The following POC5 variants were observed in gnomAD, a reference collection of about 807,000 sequenced individuals.
The protein encoded by POC5 is POC5 centriolar protein.
A neutral mutation model predicts 62.9 loss-of-function variants in POC5; 48 were observed. The ratio of observed to expected loss-of-function variants is 0.76; its 90% confidence interval spans 0.61 to 0.97. The LOEUF is 0.97. POC5 is among the 50% of genes least tolerant of loss of function. The probability of loss-of-function intolerance (pLI) is 0.00; values close to 1 mark genes in which losing one functional copy is unlikely to be tolerated. For missense variants in POC5, 696 were observed against 679.5 expected (o/e 1.02, Z -0.27); for synonymous variants, 236 against 228.2 (o/e 1.03, Z -0.31).
rs1334603449 is a variant in POC5, at chr5:75,702,651, A to C, written c.467T>G (p.Leu156Arg). ...VSDFLVSDEN[L>R]QKMENVLDLW... ...ATCAAGCACATTTTCCATCTTCTGA[A>C]GGTTTTCATCAGAAACAAGAAAATC... Residue 156 changes from leucine (L) to arginine (R), a missense_variant, in exon 5 of 12, where the codon CTT becomes CGT. Coordinates refer to ENST00000428202, the MANE Select transcript of POC5 (RefSeq NM_001099271.2). 2 of 1,613,280 alleles carry C rather than the reference A, an allele frequency of 1.2e-6. No individual in the cohort carries two copies. Among genetic ancestry groups the C allele is most frequent in the Non-Finnish European group, 8.5e-7 (1 of 1,179,632 alleles).
intron 10 of POC5, among the ~76,000 whole-genome samples, chr5:75,682,320 G>A (rs777665043): frequency 6.6e-6 from 1 of 152,152 alleles, no homozygotes; most frequent in Non-Finnish European, 1.5e-5. Flanking sequence ...TTACATTTTA[G>A]GAAGAGAATT....
At chr5:75,705,215 A>G (rs546293332) in intron 4 of POC5, 2 of 152,070 alleles carry the variant, frequency 1.3e-5, no homozygotes, top group Admixed American at 6.6e-5. Flanking sequence ...AAAATTAAAA[A>G]AATACAAAAA....
intron 3 of POC5, 198 bp downstream of exon 3, chr5:75,707,539 T>C (rs1185918025): frequency 4.4e-6 from 2 of 455,108 alleles, no homozygotes; most frequent in East Asian, 6.5e-5. Context: ...CAAATGAAGT[T>C]CAAAGAAAAA....
In POC5 at chr5:75,702,646, T is replaced by C; in HGVS notation, c.472A>G (p.Lys158Glu). The C allele has an allele frequency of 6.2e-7, 1 of 1,613,340 alleles. No homozygotes were observed. Among genetic ancestry groups the C allele is most frequent in the Non-Finnish European group, 8.5e-7 (1 of 1,179,674 alleles). The change falls in exon 5 of 12, where the codon AAG becomes GAG. Residue 158 changes from lysine to glutamate, a missense_variant. Physicochemically the swap from Lys to Glu is moderately conservative, Grantham distance 56. Transcript: ENST00000428202. ...DFLVSDENLQKMENVLDLWSS... is the reference protein window; with the variant it reads ...DFLVSDENLQEMENVLDLWSS... ...CAAAGATCAAGCACATTTTCCATCT[T>C]CTGAAGGTTTTCATCAGAAACAAGA...
At position 75,694,803 on chromosome 5, in the gene POC5, C is replaced by G. The variant is rs1370213799; in HGVS notation, c.542G>C (p.Trp181Ser). Reference sequence around the variant, plus strand: ...GTGCCAGTCAATAAAATTAAGTCTCCATTTACTTAGTTCAGATATGATGTT... The same window carrying G: ...GTGCCAGTCAATAAAATTAAGTCTCGATTTACTTAGTTCAGATATGATGTT... ...KTNIISELSK[W>S]RLNFIDWHRM... Residue 181 changes from tryptophan (W) to serine (S), a missense_variant, in exon 6 of 12, where the codon TGG (tryptophan) becomes TCG (serine). Physicochemically the swap from Trp to Ser is radical, Grantham distance 177. Coordinates refer to ENST00000428202, the MANE Select transcript of POC5 (RefSeq NM_001099271.2). The G allele has an allele frequency of 6.4e-7, 1 of 1,560,908 alleles. No homozygotes were observed. The highest frequency in any genetic ancestry group is 8.8e-7 in the Non-Finnish European group (1 of 1,140,002).
intron 2 of POC5, chr5:75,712,400 C>A (rs200068418): frequency 1.2e-6 from 2 of 1,612,092 alleles, no homozygotes; most frequent in Admixed American, 1.7e-5. Context: ...CTGTCAATGT[C>A]CAGGTCCTGG....
chr5:75,703,353 C>T (rs1353475617), intron 4 of POC5, among the ~76,000 whole-genome samples: 1 of 152,036 alleles, frequency 6.6e-6, no homozygotes, highest in South Asian at 2.1e-4. Flanking sequence ...TTCGGCCGGG[C>T]GCGGTGGCTC....
chr5:75,708,375 G>A (rs1166462843), intron 2 of POC5, among the ~76,000 whole-genome samples: 4 of 152,060 alleles, frequency 2.6e-5, no homozygotes, highest in African/African-American at 9.7e-5. Context: ...GTATGAAGAG[G>A]TGATAAGGTT....
intron 8 of POC5, among the ~76,000 whole-genome samples, chr5:75,690,010 C>T (rs1244568521): frequency 1.3e-5 from 2 of 152,088 alleles, no homozygotes; most frequent in Admixed American, 6.5e-5. Flanking sequence ...CTCAGCCTCC[C>T]GAGTAGCGGG....
chr5:75,705,983 T>C (rs1011222050), intron 3 of POC5, among the ~76,000 whole-genome samples, 196 bp from the exon 4 acceptor site: 1 of 152,228 alleles, frequency 6.6e-6, no homozygotes, highest in Non-Finnish European at 1.5e-5. Context: ...TACTATATCA[T>C]TGATAAGCTC....
At position 75,702,601 on chromosome 5, in the gene POC5, G is replaced by A. The variant is rs17649248; in HGVS notation, c.513+4C>T. 0.2 allele frequency: 318,047 copies of A among 1,608,560 alleles called. 32,431 individuals are homozygous for A. Among genetic ancestry groups the A allele is most frequent in the South Asian group, 0.21 (19,326 of 90,468 alleles). On this transcript the variant is annotated splice_donor_region_variant and intron_variant, in intron 5 of 11. Transcript: ENST00000428202. Reference sequence around the variant, plus strand: ...ACTGTAATTGAAGAACTGCTGTACCGTACCTTAAGACCTGAACTCCAAAGA... The same window carrying A: ...ACTGTAATTGAAGAACTGCTGTACCATACCTTAAGACCTGAACTCCAAAGA...
chr5:75,674,468 G>C lies in POC5; in HGVS notation c.1695C>G (p.Leu565=). ...LGTRSAHTQS[L]TSVHSIKVVD ...CCACTTTTATGGAATGAACACTTGT[G>C]AGAGACTGGGTGTGAGCTGATCTGG... The change falls in exon 12 of 12, where the codon CTC becomes CTG. Residue 565 remains leucine (L), a synonymous_variant. Transcript: ENST00000428202. 2 of 1,614,014 alleles carry C rather than the reference G, an allele frequency of 1.2e-6. No homozygotes were observed. The highest frequency in any genetic ancestry group is 1.1e-5 in the South Asian group (1 of 91,088).
At chr5:75,680,976 G>A (rs529513469) in intron 10 of POC5, among the ~76,000 whole-genome samples, 25 of 152,202 alleles carry the variant, frequency 1.6e-4, no homozygotes, top group Non-Finnish European at 2.5e-4. Flanking sequence ...TACCAATCAT[G>A]TTGGAGTTCA....
At chr5:75,713,333 G>A (rs968764602) in intron 1 of POC5, among the ~76,000 whole-genome samples, 1 of 152,098 alleles carries the variant, frequency 6.6e-6, no homozygotes, top group African/African-American at 2.4e-5. Flanking sequence ...ACTTACCTTT[G>A]GAAATATTAT....
intron 11 of POC5, among the ~76,000 whole-genome samples, chr5:75,675,474 AAAAAACTCCAAGCTGTAGTTT>A (rs1775616353): frequency 6.6e-6 from 1 of 152,224 alleles, no homozygotes; most frequent in African/African-American, 2.4e-5. Flanking sequence ...CTATGTATTT[AAAAAACTCCAAGCTGTAGTTT>A]TTGCTTAAAA....
At chr5:75,715,532 A>G (rs1482158327) in intron 1 of POC5, among the ~76,000 whole-genome samples, 1 of 152,138 alleles carries the variant, frequency 6.6e-6, no homozygotes, top group Non-Finnish European at 1.5e-5. Context: ...GTGAGAATTC[A>G]CTATCATGAG....
At chr5:75,702,068 TAC>T (rs1006700076) in intron 5 of POC5, among the ~76,000 whole-genome samples, 2 of 151,960 alleles carry the variant, frequency 1.3e-5, no homozygotes, top group Admixed American at 6.6e-5. Flanking sequence ...CAACTCAAAG[TAC>T]AGTTTCTGAA....
chr5:75,712,649 G>A, intron 2 of POC5: 1 of 711,642 alleles, frequency 1.4e-6, no homozygotes, highest in Admixed American at 2.8e-5. Context: ...AGTGTATGAA[G>A]AGTTCATCAA....
chr5:75,689,216 T>A, intron 8 of POC5, 51 bp from the exon 9 acceptor site: 1 of 1,467,118 alleles, frequency 6.8e-7, no homozygotes, highest in Non-Finnish European at 9.0e-7. Flanking sequence ...CAAAGAAGAA[T>A]ACTGTCAAAA....
Sources: gnomAD v4.1 joint callset for allele counts (sites outside exome capture counted in the v4.1 genomes callset) on GRCh38, gnomAD v4.1.1 for gene constraint, MANE v1.5 for transcripts, NCBI Gene and HGNC (gene_info 2026-07-23, HGNC 2026-07-21) for gene names.